SSH1: variants seen among roughly 807,000 people sequenced by gnomAD.
The protein encoded by SSH1 is protein phosphatase Slingshot homolog 1.
SSH1 carries 43 observed loss-of-function variants against 79.7 expected under a neutral mutation model. That is an observed-to-expected ratio of 0.54 (90% CI 0.42 to 0.70). SSH1 has a LOEUF of 0.70. SSH1 is among the 30% of genes least tolerant of loss of function. The probability of loss-of-function intolerance (pLI) is 0.00; values close to 1 mark genes in which losing one functional copy is unlikely to be tolerated. For missense variants in SSH1, 1,206 were observed against 1,358.8 expected, an observed-to-expected ratio of 0.89 and a Z score of 1.77; for synonymous variants, 599 against 538.3, an observed-to-expected ratio of 1.11 and a Z score of -1.56.
At chr12:108,800,361 GAAGCTCT>G (rs2137030540) in intron 12 of SSH1, among the ~76,000 whole-genome samples, 1 of 152,292 alleles carries the variant, frequency 6.6e-6, no homozygotes, top group South Asian at 2.1e-4. Flanking sequence ...CAGTCCCAAA[GAAGCTCT>G]AAGCCCGTGT....
Position 108,787,817 on chromosome 12 carries a change from A to AT in SSH1, c.*170dup. Reference sequence around the variant, plus strand: ...CTGACAGCTCCCCTTCTTGTGCTGCATGTTGGTTAGTTTCTTCTCCTCCTC... The same window carrying AT: ...CTGACAGCTCCCCTTCTTGTGCTGCATTGTTGGTTAGTTTCTTCTCCTCCTC... On this transcript the variant is annotated 3_prime_UTR_variant, in exon 15 of 15. Transcript: ENST00000326495. The AT allele has an allele frequency of 2.4e-6, 2 of 824,580 alleles. No individual in the cohort carries two copies. The highest frequency in any genetic ancestry group is 3.8e-6 in the Non-Finnish European group (2 of 529,258). 51.1% of individuals were successfully genotyped at this position (824,580 alleles called of 1,614,324 possible). A position where few individuals can be genotyped will look rare whatever the true frequency, so the allele number is the denominator to read the frequency against.
intron 5 of SSH1, among the ~76,000 whole-genome samples, chr12:108,815,509 G>C (rs971768920): frequency 6.6e-6 from 1 of 152,226 alleles, no homozygotes; most frequent in Admixed American, 6.5e-5. Flanking sequence ...ATTCAGAAAA[G>C]CTAGACAGTC....
chr12:108,821,216 TAC>T (rs34074449), intron 3 of SSH1, among the ~76,000 whole-genome samples: 83,980 of 147,366 alleles, frequency 0.57, 24,355 homozygotes, highest in East Asian at 0.95. Context: ...AGACCTCATC[TAC>T]ACACACACAC....
chr12:108,814,111 C>A (rs905493520), intron 5 of SSH1, among the ~76,000 whole-genome samples: 2 of 152,172 alleles, frequency 1.3e-5, no homozygotes, highest in African/African-American at 4.8e-5. Context: ...GTAATCCCAG[C>A]TACTCAGGAG....
chr12:108,852,366 C>G (rs1190277064), intron 2 of SSH1, among the ~76,000 whole-genome samples: 1 of 151,532 alleles, frequency 6.6e-6, no homozygotes, highest in Non-Finnish European at 1.5e-5. Context: ...GTAGCTGGGA[C>G]TACAAGCACA....
rs750255133 is a variant in SSH1, at chr12:108,788,602, C to T, written c.2536G>A (p.Gly846Ser). The T allele has an allele frequency of 9.0e-5, 145 of 1,607,120 alleles. No homozygotes were observed. Among genetic ancestry groups the T allele is most frequent in the Non-Finnish European group, 1.2e-4 (141 of 1,174,854 alleles). ...CTGGCCTCCAGCCTGCTGGCAGGGC[C>T]ATCCCTGGAGGGAGGTGCTGGGTCT... ...PADPAPPSRD[G>S]PASRLEASIP... Residue 846 changes from glycine to serine, a missense_variant, in exon 15 of 15, where the codon GGC becomes AGC. Transcript: ENST00000326495.
chr12:108,832,284 G>A (rs1415527103), intron 2 of SSH1, among the ~76,000 whole-genome samples: 1 of 151,958 alleles, frequency 6.6e-6, no homozygotes, highest in Non-Finnish European at 1.5e-5. Context: ...GAGACAGAGG[G>A]AGACTCTGTC....
intron 2 of SSH1, among the ~76,000 whole-genome samples, chr12:108,851,577 A>C (rs773009636): frequency 6.6e-6 from 1 of 152,220 alleles, no homozygotes; most frequent in Admixed American, 6.5e-5. Flanking sequence ...CAAAGGGCTG[A>C]ATCTTCCATA....
intron 4 of SSH1, 60 bp downstream of exon 4, chr12:108,818,189 C>CTGGG: frequency 1.0e-6 from 1 of 960,114 alleles, no homozygotes; most frequent in Non-Finnish European, 1.7e-6. Context: ...CAGAGCAAGA[C>CTGGG]CCTCATCTCA....
At chr12:108,792,891 A>G in intron 13 of SSH1, 62 bp from the exon 14 acceptor site, 5 of 1,605,148 alleles carry the variant, frequency 3.1e-6, no homozygotes, top group South Asian at 1.1e-5. Context: ...GGTGCTGGGA[A>G]GAGTATGCGG....
chr12:108,840,519 C>A (rs1036298545), intron 2 of SSH1, among the ~76,000 whole-genome samples: 2 of 150,508 alleles, frequency 1.3e-5, no homozygotes, highest in East Asian at 3.9e-4. Flanking sequence ...GGTGACGGAG[C>A]AAGACTGTCT....
chr12:108,856,425 G>A (rs1479933362), intron 1 of SSH1, among the ~76,000 whole-genome samples: 1 of 152,166 alleles, frequency 6.6e-6, no homozygotes, highest in African/African-American at 2.4e-5. Flanking sequence ...CCACAAAAAC[G>A]CGCACAGTGC....
chr12:108,852,868 T>C (rs1412682663), intron 1 of SSH1, 190 bp from the exon 2 acceptor site: 7 of 985,350 alleles, frequency 7.1e-6, no homozygotes, highest in Non-Finnish European at 8.4e-6. Flanking sequence ...CGTGGGGGAA[T>C]TTTCAGGTTT....
At chr12:108,810,744 C>T (rs1037757401) in intron 6 of SSH1, among the ~76,000 whole-genome samples, 4 of 152,348 alleles carry the variant, frequency 2.6e-5, no homozygotes, top group Non-Finnish European at 5.9e-5. Flanking sequence ...GGAGTGAACG[C>T]GTGCGGACGC....
intron 12 of SSH1, 87 bp downstream of exon 12, chr12:108,800,693 C>T (rs965345066): frequency 6.4e-6 from 10 of 1,560,524 alleles, no homozygotes; most frequent in Non-Finnish European, 8.8e-6. Context: ...CACCAGCCGA[C>T]TTCTGCATCT....
chr12:108,819,360 G>A (rs769376410), intron 3 of SSH1, among the ~76,000 whole-genome samples: 3 of 152,234 alleles, frequency 2.0e-5, no homozygotes, highest in East Asian at 1.9e-4. Flanking sequence ...TGAGTCTCGC[G>A]CGAAGCAGAG....
chr12:108,825,326 A>C (rs1382537292), intron 2 of SSH1, among the ~76,000 whole-genome samples: 4 of 152,256 alleles, frequency 2.6e-5, no homozygotes, highest in Non-Finnish European at 5.9e-5. Context: ...TTAGTAGTTA[A>C]ACGTTCGAAT....
intron 3 of SSH1, among the ~76,000 whole-genome samples, chr12:108,820,310 G>A (rs1316874320): frequency 1.3e-5 from 2 of 152,066 alleles, no homozygotes; most frequent in African/African-American, 4.8e-5. Context: ...TATGATGAGC[G>A]ATTTGGAGAT....
At chr12:108,820,864 G>A (rs377383874) in intron 3 of SSH1, among the ~76,000 whole-genome samples, 1 of 152,178 alleles carries the variant, frequency 6.6e-6, no homozygotes, top group African/African-American at 2.4e-5. Flanking sequence ...GACAGCTGGC[G>A]GCCCCTCTGC....
Sources: gnomAD v4.1 joint callset for allele counts (sites outside exome capture counted in the v4.1 genomes callset) on GRCh38, gnomAD v4.1.1 for gene constraint, MANE v1.5 for transcripts, NCBI Gene and HGNC (gene_info 2026-07-23, HGNC 2026-07-21) for gene names.